RNF180: variants seen among roughly 807,000 people sequenced by gnomAD.
RNF180 encodes the protein ring finger protein 180.
Under a neutral mutation model 59.2 loss-of-function variants are expected in RNF180, and 38 were observed. That is an observed-to-expected ratio of 0.64 (90% CI 0.50 to 0.84). The LOEUF is 0.84. Ranked by LOEUF, RNF180 falls within the 40% of genes least tolerant of loss-of-function variation. The pLI is 0.00. For missense variants in RNF180, 705 were observed against 700.9 expected (o/e 1.01, Z -0.07); for synonymous variants, 262 against 240.3 (o/e 1.09, Z -0.84).
At chr5:64,237,601 G>A (rs1742519040) in intron 5 of RNF180, among the ~76,000 whole-genome samples, 1 of 152,068 alleles carries the variant, frequency 6.6e-6, no homozygotes, top group Admixed American at 6.6e-5. Context: ...AATGTGAAAG[G>A]GACATGAGAT....
At chr5:64,227,469 G>A (rs1033464830) in intron 5 of RNF180, among the ~76,000 whole-genome samples, 37 of 152,194 alleles carry the variant, frequency 2.4e-4, no homozygotes, top group African/African-American at 7.5e-4. Context: ...GCCCTCCTCA[G>A]AGCAGCCTCT....
intron 1 of RNF180, among the ~76,000 whole-genome samples, chr5:64,173,059 G>T (rs1184360946): frequency 1.3e-5 from 2 of 152,152 alleles, no homozygotes; most frequent in Non-Finnish European, 2.9e-5. Context: ...TTGCCTGTTA[G>T]ATTTTTGTCC....
chr5:64,175,747 C>A (rs1334031425), intron 1 of RNF180, among the ~76,000 whole-genome samples: 1 of 151,874 alleles, frequency 6.6e-6, no homozygotes, highest in Non-Finnish European at 1.5e-5. Context: ...CACAGAATAT[C>A]TTTCTATATA....
intron 7 of RNF180, among the ~76,000 whole-genome samples, chr5:64,348,253 G>T (rs1163082799): frequency 6.6e-6 from 1 of 151,968 alleles, no homozygotes; most frequent in Non-Finnish European, 1.5e-5. Context: ...CAGGTACTGT[G>T]TGTTCTTTCG....
At chr5:64,337,930 A>G (rs996234772) in intron 7 of RNF180, among the ~76,000 whole-genome samples, 1 of 151,978 alleles carries the variant, frequency 6.6e-6, no homozygotes, top group African/African-American at 2.4e-5. Context: ...GTTGGTTCCA[A>G]GTCTTTGCTA....
intron 7 of RNF180, 148 bp downstream of exon 7, chr5:64,330,554 T>C (rs2112537304): frequency 2.6e-6 from 2 of 757,554 alleles, no homozygotes; most frequent in Non-Finnish European, 4.2e-6. Context: ...AGTATCTCCT[T>C]GCTGAAAACT....
At chr5:64,282,034 G>A (rs760028720) in intron 5 of RNF180, among the ~76,000 whole-genome samples, 7 of 152,176 alleles carry the variant, frequency 4.6e-5, no homozygotes, top group East Asian at 1.9e-4. Flanking sequence ...TTTTGCATCC[G>A]TGTTCATCAA....
intron 5 of RNF180, among the ~76,000 whole-genome samples, chr5:64,254,369 C>T (rs1375521304): frequency 6.6e-6 from 1 of 152,070 alleles, no homozygotes; most frequent in Non-Finnish European, 1.5e-5. Context: ...ATATTGGTGC[C>T]TTGTTTCTGG....
chr5:64,212,013 GAAAT>G, intron 2 of RNF180, 48 bp from the exon 3 acceptor site: 1 of 1,062,612 alleles, frequency 9.4e-7, no homozygotes, highest in East Asian at 2.5e-5. Context: ...TGAAACCTGT[GAAAT>G]AAATTCTGAA....
chr5:64,354,774 A>G (rs1378609906), intron 7 of RNF180, among the ~76,000 whole-genome samples: 1 of 151,564 alleles, frequency 6.6e-6, no homozygotes, highest in Admixed American at 6.6e-5. Context: ...ATGCAGGAAT[A>G]GTTCAACATA....
intron 3 of RNF180, 39 bp downstream of exon 3, chr5:64,212,199 A>G: frequency 8.4e-7 from 1 of 1,189,638 alleles, no homozygotes; most frequent in Non-Finnish European, 1.3e-6. Flanking sequence ...AGAATATACA[A>G]CCTTCAGAAT....
chr5:64,276,809 T>C (rs1741744990), intron 5 of RNF180, among the ~76,000 whole-genome samples: 1 of 152,138 alleles, frequency 6.6e-6, no homozygotes, highest in Non-Finnish European at 1.5e-5. Flanking sequence ...GCGTATTTTA[T>C]TCCACTCAAA....
intron 5 of RNF180, among the ~76,000 whole-genome samples, chr5:64,220,841 G>T (rs545991012): frequency 1.3e-4 from 20 of 152,104 alleles, no homozygotes; most frequent in Non-Finnish European, 2.7e-4. Flanking sequence ...ATCATGGTTT[G>T]TAATAAATCA....
chr5:64,246,725 A>C (rs1743192140), intron 5 of RNF180, among the ~76,000 whole-genome samples: 1 of 152,232 alleles, frequency 6.6e-6, no homozygotes, highest in Non-Finnish European at 1.5e-5. Flanking sequence ...TATTCCAAAC[A>C]ATAGAAAAAG....
chr5:64,276,413 GAAAC>G (rs1741724989), intron 5 of RNF180, among the ~76,000 whole-genome samples: 1 of 149,786 alleles, frequency 6.7e-6, no homozygotes, highest in African/African-American at 2.5e-5. Context: ...TCTCCACAAA[GAAAC>G]AAAGGAGAAA....
At chr5:64,169,971 A>G (rs535408142) in intron 1 of RNF180, among the ~76,000 whole-genome samples, 8 of 152,378 alleles carry the variant, frequency 5.3e-5, no homozygotes, top group African/African-American at 1.4e-4. Context: ...TCTTTAATCT[A>G]TGACATAGGT....
intron 5 of RNF180, among the ~76,000 whole-genome samples, chr5:64,318,403 A>G (rs181579695): frequency 1.4e-4 from 22 of 152,296 alleles, no homozygotes; most frequent in Non-Finnish European, 2.2e-4. Context: ...TAGGATGGCA[A>G]AATATTTCAT....
chr5:64,226,540 C>A (rs4529140), intron 5 of RNF180, among the ~76,000 whole-genome samples: 27,033 of 152,072 alleles, frequency 0.18, 2,543 homozygotes, highest in Middle Eastern at 0.27. Flanking sequence ...GCCGCAGGGA[C>A]CTCTGCCTAG....
chr5:64,250,114 G>A (rs1323291954), intron 5 of RNF180, among the ~76,000 whole-genome samples: 1 of 152,132 alleles, frequency 6.6e-6, no homozygotes, highest in Non-Finnish European at 1.5e-5. Flanking sequence ...ACTATTAAGT[G>A]TCTTCTCTGT....
Sources: gnomAD v4.1 joint callset for allele counts (sites outside exome capture counted in the v4.1 genomes callset) on GRCh38, gnomAD v4.1.1 for gene constraint, MANE v1.5 for transcripts, NCBI Gene and HGNC (gene_info 2026-07-23, HGNC 2026-07-21) for gene names.